Variants in LTF observed in about 807,000 individuals in gnomAD.
LTF encodes the protein epididymis luminal protein 110.
LTF carries 91 observed loss-of-function variants against 87.2 expected under a neutral mutation model. The ratio of observed to expected loss-of-function variants is 1.04; its 90% CI spans 0.88 to 1.24. The LOEUF is 1.24. LTF is among the 50% of genes most tolerant of loss of function. LTF has a pLI of 0.00. For synonymous variants in LTF, 378 were observed against 356.1 expected (o/e 1.06, Z -0.69); for missense variants, 901 against 904.3 (o/e 1.00, Z 0.05).
rs146644981 is a variant in LTF, at chr3:46,454,348, G to A, written c.660C>T (p.Asp220=). Residue 220 remains aspartate (D), a synonymous_variant, in exon 6 of 17, where the codon GAC becomes GAT. Coordinates refer to ENST00000231751, the MANE Select transcript of LTF (RefSeq NM_002343.6). ...SYSGAFKCLR[D]GAGDVAFIRE... is the part of the protein sequence containing the mutation. ...TGATAAAAGCCACGTCTCCAGCCCC[G>A]TCTCTCAGACACCTGTGAAAAGAGA... 165 of 1,614,054 alleles carry A rather than the reference G, an allele frequency of 1.0e-4. No homozygotes were observed. In the African/African-American group the frequency reaches 1.3e-3, roughly 13 times the overall value.
rs769716456 is a variant in LTF at position 46,456,338 on chromosome 3, G to A, written c.268C>T (p.Pro90Ser). ...GCCGCTACAGGTCGCAGTTTGTAGGGGGCCAGGCCTGCCTCGTATATGAAA... is the reference window on the plus strand; with the variant it reads ...GCCGCTACAGGTCGCAGTTTGTAGGAGGCCAGGCCTGCCTCGTATATGAAA... Reference protein sequence around the residue: ...GGFIYEAGLAPYKLRPVAAEV... With the variant: ...GGFIYEAGLASYKLRPVAAEV... The change falls in exon 3 of 17, where the codon CCC becomes TCC. Residue 90 changes from proline to serine, a missense_variant. Coordinates refer to ENST00000231751, the MANE Select transcript of LTF (RefSeq NM_002343.6). The A allele has an allele frequency of 1.2e-6, 2 of 1,614,030 alleles. No homozygotes were observed. The highest frequency in any genetic ancestry group is 1.3e-5 in the African/African-American group (1 of 74,910).
intron 8 of LTF, 93 bp from the exon 9 acceptor site, chr3:46,449,110 T>C: frequency 1.6e-6 from 2 of 1,212,278 alleles, no homozygotes; most frequent in South Asian, 1.5e-5. Context: ...AGACTCTCCC[T>C]GGAACAGGAG....
intron 16 of LTF, among the ~76,000 whole-genome samples, chr3:46,437,580 C>T (rs1702414947): frequency 6.6e-6 from 1 of 152,100 alleles, no homozygotes; most frequent in African/African-American, 2.4e-5. Flanking sequence ...ACCTCTGCTT[C>T]CCAAGGTGGT....
chr3:46,450,822 A>G, intron 6 of LTF, 149 bp from the exon 7 acceptor site: 2 of 678,480 alleles, frequency 2.9e-6, no homozygotes. Flanking sequence ...TTGCTCCAGA[A>G]CACTCAGAAA....
intron 16 of LTF, among the ~76,000 whole-genome samples, chr3:46,436,559 C>T (rs1282859522): frequency 1.3e-5 from 2 of 152,192 alleles, no homozygotes; most frequent in African/African-American, 4.8e-5. Context: ...GGAATGTGAA[C>T]CTGTTTGCAA....
chr3:46,464,146 C>T (rs1559608297), intron 1 of LTF, among the ~76,000 whole-genome samples: 1 of 152,180 alleles, frequency 6.6e-6, no homozygotes, highest in Non-Finnish European at 1.5e-5. Flanking sequence ...TAATGTGCAG[C>T]GCTGGGGAGT....
intron 1 of LTF, among the ~76,000 whole-genome samples, chr3:46,463,852 A>G (rs1703146411): frequency 6.6e-6 from 1 of 152,136 alleles, no homozygotes; most frequent in South Asian, 2.1e-4. Flanking sequence ...CATGGGAAGG[A>G]ATTTGGAGCA....
intron 2 of LTF, among the ~76,000 whole-genome samples, chr3:46,458,923 CAT>C (rs1244606298): frequency 1.3e-5 from 2 of 152,186 alleles, no homozygotes; most frequent in Non-Finnish European, 2.9e-5. Context: ...TAGCCTAAAA[CAT>C]TGATTAAACT....
At chr3:46,475,557 CA>C (rs1559612487) in intron 1 of LTF, among the ~76,000 whole-genome samples, 3 of 151,612 alleles carry the variant, frequency 2.0e-5, no homozygotes, top group East Asian at 1.9e-4. Flanking sequence ...CACACACACA[CA>C]CACACACACC....
Position 46,456,360 on chromosome 3 carries a change from G to A in LTF, c.246C>T (p.Phe82=). The change falls in exon 3 of 17, where the codon TTC becomes TTT. Residue 82 remains phenylalanine, a synonymous_variant. Transcript: ENST00000231751. The part of the protein sequence containing the change: ...RADAVTLDGG[F]IYEAGLAPYK... ...AGGGGGCCAGGCCTGCCTCGTATATGAAACCACCATCAAGGGTCACAGCAT... is the reference window on the plus strand; with the variant it reads ...AGGGGGCCAGGCCTGCCTCGTATATAAAACCACCATCAAGGGTCACAGCAT... 1.9e-6 allele frequency: 3 copies of A among 1,614,180 alleles called. No homozygotes were observed. The highest frequency in any genetic ancestry group is 2.5e-6 in the Non-Finnish European group (3 of 1,180,022).
chr3:46,452,889 A>G (rs1183883363), intron 6 of LTF, among the ~76,000 whole-genome samples: 2 of 152,260 alleles, frequency 1.3e-5, no homozygotes, highest in African/African-American at 4.8e-5. Context: ...GGATCTTCAA[A>G]TCTTATTTTA....
At chr3:46,447,477 ATGGTT>A in intron 9 of LTF, 79 bp from the exon 10 acceptor site, 4 of 1,017,900 alleles carry the variant, frequency 3.9e-6, no homozygotes, top group South Asian at 1.3e-5. Context: ...CTCTGAGAGA[ATGGTT>A]TTCTGTCAGG....
intron 9 of LTF, 54 bp downstream of exon 9, chr3:46,448,809 G>A: frequency 6.3e-7 from 1 of 1,591,660 alleles, no homozygotes; most frequent in Non-Finnish European, 8.5e-7. Context: ...CAGATGCCCA[G>A]GCCCTAGGTC....
At chr3:46,449,374 A>G (rs1702740674) in intron 8 of LTF, among the ~76,000 whole-genome samples, 1 of 152,154 alleles carries the variant, frequency 6.6e-6, no homozygotes, top group Admixed American at 6.5e-5. Context: ...CCTTGAGCCC[A>G]ACCCTGACTT....
intron 1 of LTF, among the ~76,000 whole-genome samples, chr3:46,464,084 A>G (rs916127357): frequency 6.6e-6 from 1 of 151,992 alleles, no homozygotes; most frequent in Non-Finnish European, 1.5e-5. Flanking sequence ...GCGGCCTGGG[A>G]CCTTCCCCTC....
chr3:46,455,140 G>A (rs961997125), intron 5 of LTF, among the ~76,000 whole-genome samples, 155 bp downstream of exon 5: 1 of 152,214 alleles, frequency 6.6e-6, no homozygotes, highest in Non-Finnish European at 1.5e-5. Flanking sequence ...ACACTGGGCA[G>A]GCCTGCACTC....
At chr3:46,444,900 C>A (rs1338650081) in intron 12 of LTF, among the ~76,000 whole-genome samples, 2 of 152,212 alleles carry the variant, frequency 1.3e-5, no homozygotes, top group East Asian at 1.9e-4. Flanking sequence ...CAGGAGTCAC[C>A]TTTCATGAGG....
chr3:46,456,277 A>G lies in LTF; in HGVS notation c.316+13T>C. On this transcript the variant is annotated intron_variant, in intron 3 of 16. Transcript: ENST00000231751. ...AGGCCACCGTGGCCTCTGGGTCCCC[A>G]GGCAGAACTCACGTCTTTCGGTCCC... 2 of 1,612,324 alleles carry G rather than the reference A, an allele frequency of 1.2e-6. No homozygotes were observed. The highest frequency in any genetic ancestry group is 2.2e-5 in the East Asian group (1 of 44,880).
At chr3:46,465,383 C>G (rs967020263), upstream of LTF, among the ~76,000 whole-genome samples, 3 of 152,208 alleles carry the variant, frequency 2.0e-5, no homozygotes, top group African/African-American at 7.2e-5. Context: ...CCGACCACCC[C>G]CAGCAGCAGC....
Sources: allele counts gnomAD v4.1 joint callset (sites outside exome capture counted in the v4.1 genomes callset), GRCh38; gene constraint gnomAD v4.1.1; transcripts MANE v1.5; gene names NCBI Gene and HGNC (gene_info 2026-07-23, HGNC 2026-07-21).